The following ZNF236 variants were observed in gnomAD, a reference collection of about 807,000 sequenced individuals.
ZNF236 encodes zinc finger protein 236.
A neutral mutation model predicts 191.2 loss-of-function variants in ZNF236; 50 were observed. That is an observed-to-expected ratio of 0.26 (90% confidence interval 0.21 to 0.33). ZNF236 has a LOEUF of 0.33. Ranked by LOEUF, ZNF236 falls within the 10% of genes least tolerant of loss-of-function variation. The pLI, the probability that ZNF236 is intolerant of heterozygous loss-of-function variation, is 1.00. For synonymous variants in ZNF236, 907 were observed against 928.8 expected (o/e 0.98, Z 0.43); for missense variants, 1,754 against 2,374.5 (o/e 0.74, Z 5.43).
chr18:76,960,980 T>C lies in ZNF236; in HGVS notation c.5419+125T>C. The C allele has an allele frequency of 9.5e-7, 1 of 1,053,932 alleles. No individual in the cohort carries two copies. The highest frequency in any genetic ancestry group is 1.3e-6 in the Non-Finnish European group (1 of 749,988). The allele number at this position is 1,053,932 out of a possible 1,614,324, so 65.3% of individuals were successfully genotyped here. A position where few individuals can be genotyped will look rare whatever the true frequency, so the allele number is the denominator to read the frequency against. ...ATTGCACGTGGTACAGCCTCAGTTG[T>C]GTGGACTGGAAGCTTGTGCTTTATT... is the stretch of plus-strand genomic sequence containing the variant. On this transcript the variant is annotated intron_variant, in intron 30 of 30. Coordinates refer to ENST00000320610, the MANE Select transcript of ZNF236 (RefSeq NM_001306089.2). The surrounding 1 kb of genome is among the most constrained non-coding windows in gnomAD (Gnocchi z 4.4).
Position 76,908,489 on chromosome 18 carries a change from G to A in ZNF236, c.2467G>A (p.Asp823Asn). Residue 823 changes from aspartate (D) to asparagine (N), a missense_variant, in exon 14 of 31, where the codon GAC (aspartate) becomes AAC (asparagine). Transcript: ENST00000320610. Reference sequence around the variant, plus strand: ...CGCAGCGAACCCCGAGGCCATGCTGGACCTGGAGCCTCAGCATGTGGTGGG... The same window carrying A: ...CGCAGCGAACCCCGAGGCCATGCTGAACCTGGAGCCTCAGCATGTGGTGGG... Reference protein sequence around the residue: ...VVAANPEAMLDLEPQHVVGTE... With the variant: ...VVAANPEAMLNLEPQHVVGTE... 1 of 1,614,128 alleles carries A rather than the reference G, an allele frequency of 6.2e-7. No individual in the cohort carries two copies.
Position 76,880,192 on chromosome 18 carries a change from C to A in ZNF236, c.1064C>A (p.Ala355Glu). 1.2e-6 allele frequency: 2 copies of A among 1,614,160 alleles called. No homozygotes were observed. The highest frequency in any genetic ancestry group is 1.7e-6 in the Non-Finnish European group (2 of 1,180,014). The change falls in exon 8 of 31, where the codon GCG becomes GAG. Residue 355 changes from alanine (A) to glutamate (E), a missense_variant. Ala to Glu is a moderately radical substitution (Grantham distance 107). Transcript: ENST00000320610. The surrounding 1 kb of genome is among the most constrained non-coding windows in gnomAD (Gnocchi z 5.0). ...TSASSQPSSQAVSDVIQQLLE... is the reference protein window; with the variant it reads ...TSASSQPSSQEVSDVIQQLLE... ...GCCTCAAGCCAGCCGAGCTCCCAGG[C>A]GGTGAGCGACGTCATCCAGCAGCTC...
intron 20 of ZNF236, among the ~76,000 whole-genome samples, chr18:76,920,497 G>A (rs1030728301): frequency 2.7e-5 from 4 of 150,456 alleles, no homozygotes; most frequent in Non-Finnish European, 4.4e-5. Context: ...GTTATGGTGA[G>A]CTGAGATCAT....
chr18:76,947,609 C>A lies in ZNF236; in HGVS notation c.4871C>A (p.Thr1624Lys), dbSNP rs775104594. 3 of 1,613,850 alleles carry A rather than the reference C, an allele frequency of 1.9e-6. No homozygotes were observed. The highest frequency in any genetic ancestry group is 2.5e-6 in the Non-Finnish European group (3 of 1,179,966). The change falls in exon 27 of 31, where the codon ACG (threonine) becomes AAG (lysine). Residue 1624 changes from threonine to lysine, a missense_variant. Coordinates refer to ENST00000320610, the MANE Select transcript of ZNF236 (RefSeq NM_001306089.2). ...CCGCAAGTCATACTAGTGAGCCACACGCCACAGTCAGCGTCTGCTGCTTGT... is the reference window on the plus strand; with the variant it reads ...CCGCAAGTCATACTAGTGAGCCACAAGCCACAGTCAGCGTCTGCTGCTTGT... ...GSPQVILVSH[T>K]PQSASAACEE... is the part of the protein sequence containing the mutation.
Position 76,836,734 on chromosome 18 carries a change from C to T in ZNF236, c.56-12792C>T, listed in dbSNP as rs1403168924. 1.6e-4 allele frequency among the ~76,000 whole-genome samples: 25 copies of T among 152,074 alleles called. 1 individual carries two copies. Among genetic ancestry groups the T allele is most frequent in the African/African-American group, 5.5e-4 (23 of 41,490 alleles). On this transcript the variant is annotated intron_variant, in intron 1 of 30. Transcript: ENST00000320610. ...CTGGAGCTACAGGCGCCCGCCACCA[C>T]GCCTGGCTAATTTTTTGTATTTTTA...
intron 3 of ZNF236, among the ~76,000 whole-genome samples, chr18:76,861,353 A>G (rs1976216571): frequency 6.6e-6 from 1 of 152,122 alleles, no homozygotes; most frequent in African/African-American, 2.4e-5. Context: ...AGGAAGGTGC[A>G]CTGCTTCTCT....
At chr18:76,956,266 T>TTC in intron 28 of ZNF236, 84 bp downstream of exon 28, 1 of 1,479,310 alleles carries the variant, frequency 6.8e-7, no homozygotes, top group Non-Finnish European at 9.1e-7. Context: ...TGGCCGGGAA[T>TTC]CTGGCATGTG....
chr18:76,910,146 T>G lies in ZNF236; in HGVS notation c.2630T>G (p.Phe877Cys). 6.2e-7 allele frequency: 1 copy of G among 1,613,134 alleles called. No individual in the cohort carries two copies. Residue 877 changes from phenylalanine to cysteine, a missense_variant, in exon 15 of 31, where the codon TTC becomes TGC. Physicochemically the swap from Phe to Cys is radical, Grantham distance 205. Transcript: ENST00000320610. The stretch of plus-strand genomic sequence containing the variant: ...GAGCAGAGCCCTGCGCAACAGTCCT[T>G]CGAACCAGCAGGGCTACCCCAAGGT... ...FEEQSPAQQS[F>C]EPAGLPQGFT...
rs757869299 is a variant in ZNF236, at chr18:76,971,268, G to T, written c.*2929G>T. Among the ~76,000 whole-genome samples the T allele has an allele frequency of 5.9e-5, 9 of 152,202 alleles. No individual in the cohort carries two copies. The highest frequency in any genetic ancestry group is 1.2e-4 in the Non-Finnish European group (8 of 68,020). ...AGACATGTTTTCAAACATGCAGATT[G>T]AAATGCTACCCCACCCCCATCAAGC... On this transcript the variant is annotated 3_prime_UTR_variant, in exon 31 of 31. Coordinates refer to ENST00000320610, the MANE Select transcript of ZNF236 (RefSeq NM_001306089.2).
chr18:76,899,910 A>G (rs1371037619), intron 11 of ZNF236, among the ~76,000 whole-genome samples: 1 of 152,228 alleles, frequency 6.6e-6, no homozygotes, highest in African/African-American at 2.4e-5. Flanking sequence ...GTCCAAGATC[A>G]TGGTGCTGGC....
chr18:76,971,541 C>T lies in ZNF236; in HGVS notation c.*3202C>T, dbSNP rs1332467165. 6.6e-6 allele frequency among the ~76,000 whole-genome samples: 1 copy of T among 152,212 alleles called. No individual in the cohort carries two copies. The highest frequency in any genetic ancestry group is 1.5e-5 in the Non-Finnish European group (1 of 68,040). ...TTGTAATATTTTAAGGAAACTTGAT[C>T]TTTGAAATTATAGCTAGTGTTCTGT... On this transcript the variant is annotated 3_prime_UTR_variant, in exon 31 of 31. Coordinates refer to ENST00000320610, the MANE Select transcript of ZNF236 (RefSeq NM_001306089.2).
chr18:76,879,032 G>T (rs953616577), intron 7 of ZNF236, among the ~76,000 whole-genome samples: 1 of 152,136 alleles, frequency 6.6e-6, no homozygotes, highest in African/African-American at 2.4e-5. Flanking sequence ...CTGGAGAATA[G>T]AGTCCAATAA....
chr18:76,962,345 T>G (rs905514571), intron 30 of ZNF236, among the ~76,000 whole-genome samples: 11 of 152,228 alleles, frequency 7.2e-5, no homozygotes, highest in African/African-American at 2.7e-4. Context: ...TTTGTTTTCC[T>G]TATTGAGGAT....
At chr18:76,954,223 C>T (rs1968472023) in intron 27 of ZNF236, among the ~76,000 whole-genome samples, 1 of 152,180 alleles carries the variant, frequency 6.6e-6, no homozygotes. Flanking sequence ...AAATATTTTA[C>T]AGAAATAGTT....
At chr18:76,851,041 A>T (rs72983357) in intron 2 of ZNF236, among the ~76,000 whole-genome samples, 29,852 of 128,480 alleles carry the variant, frequency 0.23, 4,015 homozygotes, top group Middle Eastern at 0.31. Context: ...TTTTTTTTTT[A>T]AAAAAAAGCT....
intron 1 of ZNF236, among the ~76,000 whole-genome samples, chr18:76,837,685 G>A (rs1348773604): frequency 3.0e-4 from 45 of 151,906 alleles, no homozygotes; most frequent in Non-Finnish European, 1.0e-4. Flanking sequence ...CAGTCAATCC[G>A]CCCGCCTAGC....
chr18:76,834,526 T>G (rs1459996561), intron 1 of ZNF236: 3 of 492,206 alleles, frequency 6.1e-6, no homozygotes, highest in African/African-American at 2.0e-5. Flanking sequence ...CATTTTGCGG[T>G]CTTTGTCCAG....
In ZNF236 at chr18:76,972,520, G is replaced by T. The variant is rs143119872; in HGVS notation, c.*4181G>T. ...CAGGCATCGGGGCAGTTCTTTATAT[G>T]GATGACTAACAACTAAGAAAAAATG... On this transcript the variant is annotated 3_prime_UTR_variant, in exon 31 of 31. Transcript: ENST00000320610. Among the ~76,000 whole-genome samples, 352 of 152,172 alleles carry T rather than the reference G, an allele frequency of 2.3e-3. 1 individual carries two copies. Among genetic ancestry groups the T allele is most frequent in the African/African-American group, 7.8e-3 (325 of 41,510 alleles).
intron 20 of ZNF236, among the ~76,000 whole-genome samples, chr18:76,922,168 T>A (rs1396349332): frequency 6.6e-6 from 1 of 152,178 alleles, no homozygotes; most frequent in African/African-American, 2.4e-5. Context: ...CAAATTAATC[T>A]TACCAGACCC....
Sources: allele counts gnomAD v4.1 joint callset (sites outside exome capture counted in the v4.1 genomes callset), GRCh38; gene constraint gnomAD v4.1.1; non-coding constraint Gnocchi (gnomAD v3.1); transcripts MANE v1.5; gene names NCBI Gene and HGNC (gene_info 2026-07-23, HGNC 2026-07-21).